Variants in ITPR1 observed in about 807,000 individuals in gnomAD.
The protein encoded by ITPR1 is inositol 1,4,5-trisphosphate receptor type 1, also known as inositol 1,4,5-trisphosphate-gated calcium channel ITPR1.
A neutral mutation model predicts 318.4 loss-of-function variants in ITPR1; 96 were observed. The ratio of observed to expected loss-of-function variants is 0.30; its 90% CI spans 0.26 to 0.36. ITPR1 has a LOEUF of 0.36. Ranked by LOEUF, ITPR1 falls within the 10% of genes least tolerant of loss-of-function variation. ITPR1 has a pLI of 1.00. For synonymous variants in ITPR1, 1,312 were observed against 1,289.9 expected (o/e 1.02, Z -0.37); for missense variants, 2,440 against 3,460.2 (o/e 0.71, Z 7.40).
chr3:4,771,750 A>G (rs1253757612), intron 46 of ITPR1, among the ~76,000 whole-genome samples: 4 of 152,182 alleles, frequency 2.6e-5, no homozygotes, highest in Non-Finnish European at 4.4e-5. Context: ...TAACTTAAAA[A>G]AAAAAGACCT....
At chr3:4,576,480 G>A (rs908648867) in intron 4 of ITPR1, among the ~76,000 whole-genome samples, 1 of 152,186 alleles carries the variant, frequency 6.6e-6, no homozygotes, top group Non-Finnish European at 1.5e-5. Context: ...GTCTTGGCAG[G>A]GAGAGAGGGC....
intron 4 of ITPR1, among the ~76,000 whole-genome samples, chr3:4,623,194 A>G (rs1436360307): frequency 6.6e-6 from 1 of 152,192 alleles, no homozygotes; most frequent in African/African-American, 2.4e-5. Flanking sequence ...TCTATAAAGC[A>G]GTTGAGCATT....
chr3:4,743,504 C>T (rs1159717001), intron 44 of ITPR1, among the ~76,000 whole-genome samples: 1 of 152,192 alleles, frequency 6.6e-6, no homozygotes, highest in East Asian at 1.9e-4. Context: ...GAAATTACTG[C>T]AAGACTTGTC....
chr3:4,503,059 TG>T (rs144155185), intron 2 of ITPR1, among the ~76,000 whole-genome samples: 11,255 of 152,018 alleles, frequency 0.074, 544 homozygotes, highest in Non-Finnish European at 0.11. Context: ...CACTCCAGCC[TG>T]GGGGGCAGAG....
At chr3:4,839,186 A>G (rs924445141) in intron 61 of ITPR1, among the ~76,000 whole-genome samples, 2 of 152,170 alleles carry the variant, frequency 1.3e-5, no homozygotes, top group Non-Finnish European at 2.9e-5. Flanking sequence ...AATTAGCTGG[A>G]CGTGGTGGCA....
chr3:4,622,532 T>A (rs2092681429), intron 4 of ITPR1, among the ~76,000 whole-genome samples: 1 of 151,706 alleles, frequency 6.6e-6, no homozygotes, highest in Admixed American at 6.6e-5. Context: ...CAAGTGGTTC[T>A]CCTGCCTCAG....
chr3:4,603,830 A>G (rs2091491331), intron 4 of ITPR1, among the ~76,000 whole-genome samples: 1 of 152,136 alleles, frequency 6.6e-6, no homozygotes, highest in Admixed American at 6.5e-5. Context: ...TTTTGGTAGA[A>G]CGATTTGTTT....
intron 4 of ITPR1, among the ~76,000 whole-genome samples, chr3:4,611,231 CAA>C (rs748883296): frequency 2.0e-5 from 2 of 101,036 alleles, no homozygotes; most frequent in Non-Finnish European, 1.8e-5. Context: ...CTCATCTCTA[CAA>C]AAAAAAAAAC....
intron 4 of ITPR1, among the ~76,000 whole-genome samples, chr3:4,593,377 G>A (rs1256837167): frequency 3.9e-5 from 6 of 152,148 alleles, no homozygotes; most frequent in Non-Finnish European, 5.9e-5. Context: ...TGTCATTTAG[G>A]CTACTCCTTC....
intron 2 of ITPR1, among the ~76,000 whole-genome samples, chr3:4,506,365 T>G (rs1275788350): frequency 6.6e-6 from 1 of 152,252 alleles, no homozygotes; most frequent in Non-Finnish European, 1.5e-5. Flanking sequence ...AGCCGTTTAC[T>G]CTACCTAAAA....
chr3:4,703,386 T>G (rs960103124), intron 36 of ITPR1, among the ~76,000 whole-genome samples: 1 of 152,182 alleles, frequency 6.6e-6, no homozygotes, highest in Non-Finnish European at 1.5e-5. Flanking sequence ...TGCTCCCTTC[T>G]TCCCCTTGAG....
At chr3:4,781,154 T>A (rs1241749497) in intron 49 of ITPR1, among the ~76,000 whole-genome samples, 2 of 152,242 alleles carry the variant, frequency 1.3e-5, no homozygotes, top group Non-Finnish European at 2.9e-5. Context: ...GAGGCTCTCT[T>A]GTCTCCACCG....
At chr3:4,588,353 T>A (rs9810794) in intron 4 of ITPR1, among the ~76,000 whole-genome samples, 2,083 of 151,478 alleles carry the variant, frequency 0.014, 48 homozygotes, top group African/African-American at 0.047. Flanking sequence ...TTTTTTTTTT[T>A]AAAGCCTGTT....
intron 57 of ITPR1, 101 bp from the exon 58 acceptor site, chr3:4,814,322 C>A: frequency 8.1e-7 from 1 of 1,237,576 alleles, no homozygotes; most frequent in Non-Finnish European, 1.2e-6. Context: ...TTTATTCTTT[C>A]GTGTGCCTGG....
At chr3:4,794,432 C>G (rs541171802) in intron 52 of ITPR1, among the ~76,000 whole-genome samples, 1 of 152,318 alleles carries the variant, frequency 6.6e-6, no homozygotes, top group South Asian at 2.1e-4. Context: ...CAACTTGTAC[C>G]CCTCGCTTCC....
intron 42 of ITPR1, among the ~76,000 whole-genome samples, chr3:4,728,180 T>A (rs2042658751): frequency 6.6e-6 from 1 of 152,206 alleles, no homozygotes; most frequent in Admixed American, 6.5e-5. Context: ...GGGGTAGATC[T>A]GTTTTTAAGG....
intron 36 of ITPR1, among the ~76,000 whole-genome samples, chr3:4,704,478 T>TA (rs1425066010): frequency 6.6e-6 from 1 of 152,076 alleles, no homozygotes; most frequent in Non-Finnish European, 1.5e-5. Flanking sequence ...GGTTCGATCA[T>TA]ACCCTAAACC....
intron 30 of ITPR1, among the ~76,000 whole-genome samples, chr3:4,686,719 T>C (rs375794895): frequency 6.6e-6 from 1 of 152,244 alleles, no homozygotes; most frequent in Non-Finnish European, 1.5e-5. Context: ...GGTAATCTCT[T>C]GTGACTTGAT....
intron 55 of ITPR1, among the ~76,000 whole-genome samples, chr3:4,809,778 T>C (rs2048821082): frequency 6.6e-6 from 1 of 152,208 alleles, no homozygotes; most frequent in African/African-American, 2.4e-5. Flanking sequence ...ATCTCTGCGG[T>C]CCTTAACCAC....
Sources: gnomAD v4.1 joint callset for allele counts (sites outside exome capture counted in the v4.1 genomes callset) on GRCh38, gnomAD v4.1.1 for gene constraint, MANE v1.5 for transcripts, NCBI Gene and HGNC (gene_info 2026-07-23, HGNC 2026-07-21) for gene names.